The following LRP1B variants were observed in gnomAD, a reference collection of about 807,000 sequenced individuals.
LRP1B encodes LDL receptor related protein 1B.
LRP1B carries 217 observed loss-of-function variants against 556.6 expected under a neutral mutation model. That is an observed-to-expected ratio of 0.39 (90% CI 0.35 to 0.44). The LOEUF (loss-of-function observed/expected upper bound fraction) is 0.44. Among genes scored for constraint, LRP1B ranks in the 20% least tolerant of loss-of-function variants. The pLI, the probability that LRP1B is intolerant of heterozygous loss-of-function variation, is 1.00. For missense variants in LRP1B, 5,053 were observed against 5,620.8 expected, an observed-to-expected ratio of 0.90 and a Z score of 3.23; for synonymous variants, 2,047 against 1,865.8, an observed-to-expected ratio of 1.10 and a Z score of -2.50.
At chr2:141,148,354 AG>A (rs1558893032) in intron 7 of LRP1B, among the ~76,000 whole-genome samples, 1 of 150,968 alleles carries the variant, frequency 6.6e-6, no homozygotes, top group East Asian at 2.0e-4. Context: ...CTGTGTAGAT[AG>A]GCAATAATCA....
intron 12 of LRP1B, among the ~76,000 whole-genome samples, chr2:141,017,695 G>A (rs917706389): frequency 8.6e-5 from 13 of 151,176 alleles, no homozygotes; most frequent in African/African-American, 2.9e-4. Context: ...ATATATATAT[G>A]CTTAAATATA....
At chr2:140,310,066 TCTG>T (rs1442726080) in intron 83 of LRP1B, among the ~76,000 whole-genome samples, 1 of 151,780 alleles carries the variant, frequency 6.6e-6, no homozygotes, top group Non-Finnish European at 1.5e-5. Context: ...AACATTTTCT[TCTG>T]GTAGTGATTT....
chr2:141,350,668 T>C (rs974037151), intron 3 of LRP1B, among the ~76,000 whole-genome samples: 1 of 152,070 alleles, frequency 6.6e-6, no homozygotes, highest in Non-Finnish European at 1.5e-5. Context: ...TGGAAGTAAA[T>C]TGAGGCTTTC....
chr2:140,645,193 C>G (rs1241924459), intron 41 of LRP1B, among the ~76,000 whole-genome samples: 1 of 151,892 alleles, frequency 6.6e-6, no homozygotes, highest in Non-Finnish European at 1.5e-5. Flanking sequence ...TCTGATTGTG[C>G]CTCTGACATA....
intron 7 of LRP1B, among the ~76,000 whole-genome samples, chr2:141,166,031 T>C (rs1013770434): frequency 2.0e-5 from 3 of 152,016 alleles, no homozygotes; most frequent in Non-Finnish European, 2.9e-5. Context: ...TCCTACACTA[T>C]TGAAAGAGGC....
At chr2:141,429,533 G>T (rs764207768) in intron 3 of LRP1B, among the ~76,000 whole-genome samples, 2 of 152,244 alleles carry the variant, frequency 1.3e-5, no homozygotes, top group African/African-American at 2.4e-5. Flanking sequence ...GTGCAGGTTT[G>T]TTACATAGGA....
At chr2:141,832,348 C>CTT (rs1697142833) in intron 1 of LRP1B, among the ~76,000 whole-genome samples, 3 of 151,032 alleles carry the variant, frequency 2.0e-5, no homozygotes, top group African/African-American at 7.3e-5. Context: ...CACACACACA[C>CTT]ACACACACAC....
chr2:141,741,063 T>C (rs6708353), intron 2 of LRP1B, among the ~76,000 whole-genome samples: 35,031 of 151,912 alleles, frequency 0.23, 6,511 homozygotes, highest in African/African-American at 0.51. Context: ...ACCTAATAAT[T>C]GCCAGTTCCA....
intron 41 of LRP1B, among the ~76,000 whole-genome samples, chr2:140,652,470 T>C (rs1684723066): frequency 6.6e-6 from 1 of 152,040 alleles, no homozygotes; most frequent in Admixed American, 6.5e-5. Context: ...ATACCCATTT[T>C]TAGACATATT....
At chr2:140,961,643 C>G (rs1049444063) in intron 18 of LRP1B, among the ~76,000 whole-genome samples, 2 of 151,762 alleles carry the variant, frequency 1.3e-5, no homozygotes, top group Non-Finnish European at 2.9e-5. Flanking sequence ...TTTCCATTTT[C>G]TCAATATAGT....
chr2:140,744,151 T>C (rs182453708), intron 35 of LRP1B, among the ~76,000 whole-genome samples: 1 of 152,202 alleles, frequency 6.6e-6, no homozygotes, highest in African/African-American at 2.4e-5. Flanking sequence ...TATTAATTAA[T>C]TTGATAGTGG....
chr2:141,310,639 A>G (rs1341906189), intron 3 of LRP1B, among the ~76,000 whole-genome samples: 2 of 152,156 alleles, frequency 1.3e-5, no homozygotes, highest in Non-Finnish European at 2.9e-5. Context: ...ATGCACATAC[A>G]CGGACACACA....
At chr2:141,158,285 T>C (rs1180502431) in intron 7 of LRP1B, among the ~76,000 whole-genome samples, 1 of 152,206 alleles carries the variant, frequency 6.6e-6, no homozygotes, top group African/African-American at 2.4e-5. Context: ...AGTGCAGCAC[T>C]GTGTAATTTG....
intron 5 of LRP1B, among the ~76,000 whole-genome samples, chr2:141,246,508 G>A (rs1409508629): frequency 4.6e-5 from 7 of 152,188 alleles, no homozygotes; most frequent in African/African-American, 1.4e-4. Flanking sequence ...TTTGGTTTAT[G>A]TTTTAGTAGT....
intron 2 of LRP1B, among the ~76,000 whole-genome samples, chr2:141,618,471 T>C (rs921978555): frequency 1.3e-5 from 2 of 152,214 alleles, no homozygotes; most frequent in Non-Finnish European, 2.9e-5. Flanking sequence ...CAGGGAAACA[T>C]AGTTTCTCCC....
intron 3 of LRP1B, among the ~76,000 whole-genome samples, chr2:141,301,975 G>A (rs542056866): frequency 8.5e-5 from 13 of 152,206 alleles, no homozygotes; most frequent in African/African-American, 3.1e-4. Flanking sequence ...ACTTGGCTGA[G>A]TATAAAAGGG....
intron 11 of LRP1B, among the ~76,000 whole-genome samples, chr2:141,043,522 G>T (rs1358025982): frequency 6.6e-6 from 1 of 151,772 alleles, no homozygotes; most frequent in African/African-American, 2.4e-5. Context: ...TTTAATTATA[G>T]GATCTATGGA....
chr2:140,778,823 T>A (rs895599717), intron 32 of LRP1B, among the ~76,000 whole-genome samples: 19 of 152,034 alleles, frequency 1.2e-4, no homozygotes, highest in African/African-American at 4.6e-4. Context: ...ATCTCCTGAA[T>A]CAGATATGAA....
chr2:140,295,710 T>G (rs1292417614), intron 84 of LRP1B, among the ~76,000 whole-genome samples: 2 of 152,196 alleles, frequency 1.3e-5, no homozygotes, highest in African/African-American at 4.8e-5. Context: ...AATATCTAGT[T>G]TATTGATAGG....
Sources: allele counts gnomAD v4.1 joint callset (sites outside exome capture counted in the v4.1 genomes callset), GRCh38; gene constraint gnomAD v4.1.1; transcripts MANE v1.5; gene names NCBI Gene and HGNC (gene_info 2026-07-23, HGNC 2026-07-21).